NRXN1: variants seen among roughly 807,000 people sequenced by gnomAD.
NRXN1 encodes the protein neurexin-1.
In NRXN1, 39 loss-of-function variants were observed where a neutral mutation model predicts 150.9. The observed-to-expected ratio is 0.26, with a 90% CI of 0.20 to 0.34. NRXN1 has a LOEUF of 0.34. Among genes scored for constraint, NRXN1 ranks in the 10% least tolerant of loss-of-function variants. NRXN1 has a pLI of 1.00. For synonymous variants in NRXN1, 924 were observed against 757.0 expected, an observed-to-expected ratio of 1.22 and a Z score of -3.62; for missense variants, 1,815 against 1,949.9, an observed-to-expected ratio of 0.93 and a Z score of 1.30.
At chr2:50,358,628 G>T (rs1191536697) in intron 17 of NRXN1, among the ~76,000 whole-genome samples, 1 of 152,332 alleles carries the variant, frequency 6.6e-6, no homozygotes, top group East Asian at 1.9e-4. Context: ...TAGAACACAT[G>T]GGGGAAGGAG....
chr2:50,327,120 C>T (rs574360056), intron 17 of NRXN1, among the ~76,000 whole-genome samples: 38 of 152,090 alleles, frequency 2.5e-4, no homozygotes, highest in South Asian at 8.3e-4. Flanking sequence ...GTATAATAGC[C>T]CCAAACTGGA....
At chr2:50,567,364 G>C (rs775210355) in intron 8 of NRXN1, among the ~76,000 whole-genome samples, 2 of 152,046 alleles carry the variant, frequency 1.3e-5, no homozygotes, top group African/African-American at 2.4e-5. Flanking sequence ...ACGTAGACTG[G>C]GACCATTTTT....
At chr2:50,942,623 G>C (rs1220965049) in intron 2 of NRXN1, among the ~76,000 whole-genome samples, 3 of 152,194 alleles carry the variant, frequency 2.0e-5, no homozygotes, top group Non-Finnish European at 4.4e-5. Context: ...TTTGGTTTTA[G>C]ATTTTCATGG....
intron 17 of NRXN1, among the ~76,000 whole-genome samples, chr2:50,397,811 T>A (rs551484258): frequency 6.6e-6 from 1 of 152,270 alleles, no homozygotes; most frequent in African/African-American, 2.4e-5. Flanking sequence ...GTGTTAGTTA[T>A]TGACTCTTTT....
intron 17 of NRXN1, among the ~76,000 whole-genome samples, chr2:50,452,400 T>C (rs2087057765): frequency 6.6e-6 from 1 of 152,178 alleles, no homozygotes; most frequent in Non-Finnish European, 1.5e-5. Context: ...CTCTTAGCTC[T>C]ACAGACCTTA....
intron 18 of NRXN1, among the ~76,000 whole-genome samples, chr2:50,219,450 TG>T (rs2063644325): frequency 6.6e-6 from 1 of 151,856 alleles, no homozygotes; most frequent in African/African-American, 2.4e-5. Flanking sequence ...AAAGGCCCTA[TG>T]AGGTTAGATT....
chr2:50,006,979 A>T (rs1484489244), intron 21 of NRXN1, among the ~76,000 whole-genome samples: 5 of 152,138 alleles, frequency 3.3e-5, no homozygotes, highest in African/African-American at 1.2e-4. Context: ...ACTGAAGGAA[A>T]TGCATGCACT....
At chr2:50,153,973 T>C (rs1285451376) in intron 18 of NRXN1, among the ~76,000 whole-genome samples, 2 of 151,772 alleles carry the variant, frequency 1.3e-5, no homozygotes, top group Admixed American at 6.6e-5. Context: ...GTAGAGAAGA[T>C]AGATAGTTGC....
intron 17 of NRXN1, among the ~76,000 whole-genome samples, chr2:50,383,090 T>C (rs1279276106): frequency 2.0e-5 from 3 of 152,218 alleles, no homozygotes; most frequent in Admixed American, 1.3e-4. Flanking sequence ...GATCTGATTC[T>C]TTCAGGGCCA....
intron 17 of NRXN1, among the ~76,000 whole-genome samples, chr2:50,305,523 A>G (rs573782375): frequency 1.3e-5 from 2 of 152,338 alleles, no homozygotes; most frequent in East Asian, 1.9e-4. Flanking sequence ...TTAAGATTTA[A>G]GTCACAATTT....
chr2:50,218,970 T>A (rs886543427), intron 18 of NRXN1, among the ~76,000 whole-genome samples: 1 of 152,070 alleles, frequency 6.6e-6, no homozygotes, highest in East Asian at 1.9e-4. Flanking sequence ...TTTTTTTTCT[T>A]CTCTATTGCC....
At chr2:50,585,151 G>T (rs557672614) in intron 8 of NRXN1, among the ~76,000 whole-genome samples, 6 of 152,048 alleles carry the variant, frequency 3.9e-5, no homozygotes, top group Admixed American at 2.6e-4. Context: ...ATCTGGATTC[G>T]GTGTTCGGTG....
At chr2:50,872,765 C>A (rs992629167) in intron 5 of NRXN1, among the ~76,000 whole-genome samples, 1 of 151,246 alleles carries the variant, frequency 6.6e-6, no homozygotes, top group Non-Finnish European at 1.5e-5. Context: ...GCACTCTGGG[C>A]AACAAAACAA....
intron 5 of NRXN1, among the ~76,000 whole-genome samples, chr2:50,726,899 G>A (rs899807935): frequency 1.3e-5 from 2 of 152,036 alleles, no homozygotes; most frequent in African/African-American, 4.8e-5. Context: ...ACAAGTAACT[G>A]AATCTTAATT....
intron 17 of NRXN1, among the ~76,000 whole-genome samples, chr2:50,448,503 T>A (rs1036130273): frequency 6.6e-6 from 1 of 152,186 alleles, no homozygotes; most frequent in African/African-American, 2.4e-5. Context: ...GCATTAGTGG[T>A]GGTCACTAGG....
chr2:50,850,000 G>A (rs1278813262), intron 5 of NRXN1, among the ~76,000 whole-genome samples: 1 of 151,976 alleles, frequency 6.6e-6, no homozygotes, highest in Admixed American at 6.6e-5. Flanking sequence ...GAGCCCATAA[G>A]TTGAAGACCA....
At chr2:50,228,325 T>C (rs2064602886) in intron 18 of NRXN1, among the ~76,000 whole-genome samples, 1 of 152,046 alleles carries the variant, frequency 6.6e-6, no homozygotes, top group African/African-American at 2.4e-5. Context: ...ATGGCTCATA[T>C]ATTTCTCTTG....
In NRXN1 at chr2:50,453,209, T is replaced by C. The variant is rs1317770803; in HGVS notation, c.3364+12233A>G. Among the ~76,000 whole-genome samples the C allele has an allele frequency of 2.7e-5, 4 of 149,918 alleles. No homozygotes were observed. In the East Asian group the frequency reaches 8.1e-4, roughly 30 times the overall value. ...GTCTAATAGTCCTTCAATGTAAGGG[T>C]ATATTAGAATCATATGGAGGCTCCT... is the stretch of plus-strand genomic sequence containing the variant. On this transcript the variant is annotated intron_variant, in intron 17 of 22. Coordinates refer to ENST00000401669, the MANE Select transcript of NRXN1 (RefSeq NM_001330078.2).
intron 5 of NRXN1, among the ~76,000 whole-genome samples, chr2:50,825,350 A>G (rs772621165): frequency 6.6e-6 from 1 of 152,210 alleles, no homozygotes; most frequent in African/African-American, 2.4e-5. Flanking sequence ...TAGCTTCAGA[A>G]TGGGGGCCAG....
Sources: gnomAD v4.1 joint callset for allele counts (sites outside exome capture counted in the v4.1 genomes callset) on GRCh38, gnomAD v4.1.1 for gene constraint, MANE v1.5 for transcripts, NCBI Gene and HGNC (gene_info 2026-07-23, HGNC 2026-07-21) for gene names.